The following GPR137C variants were observed in gnomAD, a reference collection of about 807,000 sequenced individuals.
The protein encoded by GPR137C is G protein-coupled receptor 137C.
A neutral mutation model predicts 43.4 loss-of-function variants in GPR137C; 27 were observed. The ratio of observed to expected loss-of-function variants is 0.62; its 90% confidence interval spans 0.46 to 0.86. The LOEUF (loss-of-function observed/expected upper bound fraction) is 0.86. GPR137C is among the 40% of genes least tolerant of loss of function. The pLI, the probability that GPR137C is intolerant of heterozygous loss-of-function variation, is 0.00. For missense variants in GPR137C, 522 were observed against 534.6 expected (o/e 0.98, Z 0.23); for synonymous variants, 285 against 226.9 (o/e 1.26, Z -2.30).
intron 1 of GPR137C, among the ~76,000 whole-genome samples, chr14:52,563,218 C>T (rs2038312987): frequency 1.3e-5 from 2 of 152,150 alleles, no homozygotes; most frequent in Non-Finnish European, 2.9e-5. Flanking sequence ...TTTGTAAGCT[C>T]ATGTGCCTGT....
chr14:52,604,084 A>G (rs1003761607), intron 3 of GPR137C, among the ~76,000 whole-genome samples: 2 of 152,076 alleles, frequency 1.3e-5, no homozygotes, highest in African/African-American at 2.4e-5. Flanking sequence ...CTATTCAGGT[A>G]TGTTGCCCAT....
chr14:52,630,168 GT>G (rs1275116329), intron 3 of GPR137C, among the ~76,000 whole-genome samples: 1 of 152,058 alleles, frequency 6.6e-6, no homozygotes, highest in Non-Finnish European at 1.5e-5. Context: ...ACTAGAGGTT[GT>G]TTTGTTTGTT....
At position 52,637,125 on chromosome 14, in the gene GPR137C, A is replaced by T. The variant is rs1437843240; in HGVS notation, c.*2010A>T. On this transcript the variant is annotated 3_prime_UTR_variant, in exon 7 of 7. Coordinates refer to ENST00000321662, the MANE Select transcript of GPR137C (RefSeq NM_001099652.2). ...TCTGCTGCATTAGTTGATTGTTCCA[A>T]ATTTGAGGTTTGTAAGTTTATTCTT... 6.6e-6 allele frequency: 1 copy of T among 152,140 alleles called. No homozygotes were observed. The highest frequency in any genetic ancestry group is 1.9e-4 in the East Asian group (1 of 5,200). The allele number at this position is 152,140 out of a possible 1,614,324, so 9.4% of individuals were successfully genotyped here. A position where few individuals can be genotyped will look rare whatever the true frequency, so the allele number is the denominator to read the frequency against.
At chr14:52,618,235 C>T (rs2039121554) in intron 3 of GPR137C, among the ~76,000 whole-genome samples, 1 of 152,136 alleles carries the variant, frequency 6.6e-6, no homozygotes, top group African/African-American at 2.4e-5. Context: ...TTATCTACTA[C>T]TTAAGTAGTT....
intron 1 of GPR137C, 58 bp downstream of exon 1, chr14:52,553,649 A>C: frequency 8.2e-7 from 1 of 1,218,452 alleles, no homozygotes; most frequent in Non-Finnish European, 1.1e-6. Flanking sequence ...CGCCGGGATC[A>C]ACTCCCGCTG....
Position 52,632,187 on chromosome 14 carries a change from G to A in GPR137C, c.745G>A (p.Val249Met). 1.2e-6 allele frequency: 2 copies of A among 1,605,596 alleles called. No homozygotes were observed. Among genetic ancestry groups the A allele is most frequent in the Non-Finnish European group, 1.7e-6 (2 of 1,172,626 alleles). ...KGMSLCQTVVVGSVVILLYSS... is the reference protein window; with the variant it reads ...KGMSLCQTVVMGSVVILLYSS... ...TATGTCTCTGTGCCAGACTGTCGTC[G>A]TGGGCTCTGTAGTCATTCTTCTGTA... Residue 249 changes from valine (V) to methionine (M), a missense_variant, in exon 4 of 7, where the codon GTG becomes ATG. Val to Met is a conservative substitution (Grantham distance 21, BLOSUM62 1). This residue lies in a region of GPR137C where 437 missense variants were observed against 425.7 expected (regional missense o/e 1.03). Coordinates refer to ENST00000321662, the MANE Select transcript of GPR137C (RefSeq NM_001099652.2).
intron 4 of GPR137C, among the ~76,000 whole-genome samples, chr14:52,632,828 T>C (rs944475965): frequency 2.0e-5 from 3 of 152,092 alleles, no homozygotes; most frequent in Non-Finnish European, 4.4e-5. Context: ...GCTATCGTAA[T>C]TCCCAGTACT....
At chr14:52,605,728 A>AT (rs896111209) in intron 3 of GPR137C, among the ~76,000 whole-genome samples, 3 of 152,004 alleles carry the variant, frequency 2.0e-5, no homozygotes, top group Admixed American at 6.6e-5. Context: ...TCTGTACCCT[A>AT]TTTTTTTACG....
chr14:52,557,771 A>G (rs1448011444), intron 1 of GPR137C, among the ~76,000 whole-genome samples: 4 of 152,230 alleles, frequency 2.6e-5, no homozygotes, highest in African/African-American at 9.6e-5. Context: ...CCAAAATTAA[A>G]TGGCTAATAT....
rs528666950 is a variant in GPR137C, at chr14:52,615,573, T to C, written c.717+15232T>C. Among the ~76,000 whole-genome samples, 23 of 152,096 alleles carry C rather than the reference T, an allele frequency of 1.5e-4. No homozygotes were observed. The East Asian group carries it at 4.4e-3, about 29-fold the overall frequency. ...GGGTAGTATGGACATTTTAACAATA[T>C]TGATTCTTCCAATCCATGAACATGA... is the stretch of plus-strand genomic sequence containing the variant. On this transcript the variant is annotated intron_variant, in intron 3 of 6. Coordinates refer to ENST00000321662, the MANE Select transcript of GPR137C (RefSeq NM_001099652.2).
At chr14:52,555,466 C>T (rs572602535) in intron 1 of GPR137C, among the ~76,000 whole-genome samples, 33 of 152,084 alleles carry the variant, frequency 2.2e-4, no homozygotes, top group Admixed American at 1.8e-3. Context: ...AGTAGCTCCC[C>T]CAGGTAAGCA....
intron 1 of GPR137C, among the ~76,000 whole-genome samples, chr14:52,583,068 A>G (rs2038668240): frequency 6.6e-6 from 1 of 152,148 alleles, no homozygotes; most frequent in African/African-American, 2.4e-5. Context: ...TCTTTTATAA[A>G]TGGCCCATTT....
chr14:52,607,620 A>G (rs2038996270), intron 3 of GPR137C, among the ~76,000 whole-genome samples: 1 of 152,222 alleles, frequency 6.6e-6, no homozygotes, highest in African/African-American at 2.4e-5. Flanking sequence ...TCATGCCTGT[A>G]ATCCCAGCAC....
At chr14:52,597,463 G>A (rs145454476) in intron 1 of GPR137C, among the ~76,000 whole-genome samples, 43 of 152,026 alleles carry the variant, frequency 2.8e-4, no homozygotes, top group Middle Eastern at 3.4e-3. Flanking sequence ...TTCTTTCCAG[G>A]TCCCCAAACT....
chr14:52,570,662 C>G (rs139665049), intron 1 of GPR137C, among the ~76,000 whole-genome samples: 3,567 of 152,096 alleles, frequency 0.023, 62 homozygotes, highest in Non-Finnish European at 0.035. Flanking sequence ...ATTTACCAAG[C>G]AAATGGAAAG....
rs192060973 is a variant in GPR137C at position 52,593,662 on chromosome 14, G to A, written c.445-4610G>A. On this transcript the variant is annotated intron_variant, in intron 1 of 6. Coordinates refer to ENST00000321662, the MANE Select transcript of GPR137C (RefSeq NM_001099652.2). ...TCTGATGGTAGTTTGTAATTCTGTG[G>A]GATCGGCGATGATATCCCCTTTATC... Among the ~76,000 whole-genome samples, 167 of 152,194 alleles carry A rather than the reference G, an allele frequency of 1.1e-3. 1 individual carries two copies. The highest frequency in any genetic ancestry group is 1.6e-3 in the Non-Finnish European group (110 of 67,998).
intron 1 of GPR137C, among the ~76,000 whole-genome samples, chr14:52,576,861 A>C (rs1175789954): frequency 6.6e-6 from 1 of 152,190 alleles, no homozygotes; most frequent in Non-Finnish European, 1.5e-5. Flanking sequence ...ACAGTGAAAT[A>C]AAAATATAAA....
At chr14:52,604,622 A>G (rs535586208) in intron 3 of GPR137C, among the ~76,000 whole-genome samples, 5 of 151,748 alleles carry the variant, frequency 3.3e-5, no homozygotes, top group African/African-American at 1.2e-4. Context: ...ATTTTTTTGT[A>G]TTTTTAGTAG....
At chr14:52,572,942 A>G (rs1333958625) in intron 1 of GPR137C, among the ~76,000 whole-genome samples, 2 of 151,260 alleles carry the variant, frequency 1.3e-5, no homozygotes, top group Non-Finnish European at 1.5e-5. Context: ...AAGCATTCCT[A>G]TACACCAATA....
Sources: gnomAD v4.1 joint callset for allele counts (sites outside exome capture counted in the v4.1 genomes callset) on GRCh38, gnomAD v4.1.1 for gene constraint, gnomAD v4.1.1 regional missense constraint, MANE v1.5 for transcripts, NCBI Gene and HGNC (gene_info 2026-07-23, HGNC 2026-07-21) for gene names.